The following SPRED2 variants were observed in gnomAD, a reference collection of about 807,000 sequenced individuals.
The protein encoded by SPRED2 is sprouty related EVH1 domain containing 2, also known as sprouty-related, EVH1 domain-containing protein 2.
In SPRED2, 47 loss-of-function variants were observed where a neutral mutation model predicts 43.0. The ratio of observed to expected loss-of-function variants is 1.09; its 90% CI spans 0.87 to 1.40. The LOEUF is 1.40. SPRED2 is among the 40% of genes most tolerant of loss of function. The probability of loss-of-function intolerance (pLI) is 0.00; values close to 1 mark genes in which losing one functional copy is unlikely to be tolerated. For synonymous variants in SPRED2, 225 were observed against 225.7 expected (o/e 1.00, Z 0.03); for missense variants, 561 against 586.4 (o/e 0.96, Z 0.45).
At chr2:65,342,958 G>A (rs1014300420) in intron 2 of SPRED2, among the ~76,000 whole-genome samples, 2 of 152,120 alleles carry the variant, frequency 1.3e-5, no homozygotes, top group African/African-American at 4.8e-5. Context: ...TTAAAAAAAA[G>A]TACAAAGTGG....
At chr2:65,411,887 G>C (rs558621665) in intron 1 of SPRED2, among the ~76,000 whole-genome samples, 34 of 152,098 alleles carry the variant, frequency 2.2e-4, no homozygotes, top group Non-Finnish European at 4.4e-4. Flanking sequence ...CCAGCACTTT[G>C]GGGGCCGAGG....
intron 1 of SPRED2, among the ~76,000 whole-genome samples, chr2:65,397,857 C>A (rs1675794113): frequency 2.6e-5 from 4 of 152,166 alleles, no homozygotes; most frequent in Admixed American, 2.6e-4. Flanking sequence ...CAAAATACCA[C>A]CATTATTCTT....
chr2:65,355,145 A>C (rs1015942566), intron 1 of SPRED2, among the ~76,000 whole-genome samples: 1 of 152,208 alleles, frequency 6.6e-6, no homozygotes, highest in Non-Finnish European at 1.5e-5. Flanking sequence ...TAATTTTCTC[A>C]TCCTGGGGGA....
chr2:65,401,932 C>CGT lies in SPRED2; in HGVS notation c.26+30029_26+30030insAC, dbSNP rs776711133. On this transcript the variant is annotated intron_variant, in intron 1 of 5. Coordinates refer to ENST00000356388, the MANE Select transcript of SPRED2 (RefSeq NM_181784.3). The stretch of plus-strand genomic sequence containing the variant: ...GTAAAACGATCAGAATATTAGCGCG[C>CGT]GCGCGCACACACACACACACACACA... Among the ~76,000 whole-genome samples the CGT allele has an allele frequency of 1.7e-3, 199 of 117,954 alleles. 1 individual carries two copies. The highest frequency in any genetic ancestry group is 2.6e-3 in the South Asian group (9 of 3,472). The allele number at this position is 117,954 out of a possible 152,430, so 77.4% of individuals were successfully genotyped here.
intron 1 of SPRED2, chr2:65,366,712 G>T (rs1674990842): frequency 1.3e-6 from 2 of 1,522,898 alleles, no homozygotes; most frequent in Non-Finnish European, 1.8e-6. Context: ...CCAGCTGGCT[G>T]CCTGAGAAGT....
intron 1 of SPRED2, among the ~76,000 whole-genome samples, chr2:65,431,017 C>T (rs1377312439): frequency 6.6e-6 from 1 of 152,138 alleles, no homozygotes; most frequent in East Asian, 1.9e-4. Context: ...ACGCCTCAGA[C>T]CAGGGAGGGA....
At chr2:65,334,833 A>G in intron 2 of SPRED2, 60 bp from the exon 3 acceptor site, 2 of 1,574,810 alleles carry the variant, frequency 1.3e-6, no homozygotes, top group Non-Finnish European at 1.7e-6. Context: ...ATGTCTGGTT[A>G]CAGAAGTCTA....
intron 4 of SPRED2, among the ~76,000 whole-genome samples, chr2:65,327,672 G>A (rs1342447435): frequency 6.6e-6 from 1 of 151,288 alleles, no homozygotes; most frequent in Non-Finnish European, 1.5e-5. Flanking sequence ...AACGTGGAGG[G>A]CTGCCCTCCC....
chr2:65,384,696 T>G (rs976086348), intron 1 of SPRED2, among the ~76,000 whole-genome samples: 1 of 152,112 alleles, frequency 6.6e-6, no homozygotes, highest in Non-Finnish European at 1.5e-5. Context: ...CCAGTGAAAC[T>G]CATCCTTTCC....
At chr2:65,412,052 CA>C (rs1202642511) in intron 1 of SPRED2, among the ~76,000 whole-genome samples, 1 of 150,928 alleles carries the variant, frequency 6.6e-6, no homozygotes, top group Non-Finnish European at 1.5e-5. Flanking sequence ...GGCATGAACC[CA>C]GGAGGCAGAG....
Position 65,334,672 on chromosome 2 carries a change from G to C in SPRED2, c.306C>G (p.Phe102Leu). Residue 102 changes from phenylalanine to leucine, a missense_variant, in exon 3 of 6, where the codon TTC becomes TTG. Transcript: ENST00000356388. ...AGGCTCGGGCATCAGCAGGGCTTTG[G>C]AAAGTAAGTCCAAACTTCCTATTAT... The part of the protein sequence containing the change: ...KVDNRKFGLT[F>L]QSPADARAFD... The C allele has an allele frequency of 6.2e-7, 1 of 1,614,216 alleles. No homozygotes were observed. The highest frequency in any genetic ancestry group is 8.5e-7 in the Non-Finnish European group (1 of 1,180,042).
intron 1 of SPRED2, among the ~76,000 whole-genome samples, chr2:65,428,083 T>C (rs908660815): frequency 6.0e-4 from 91 of 152,344 alleles, no homozygotes; most frequent in Non-Finnish European, 1.2e-4. Flanking sequence ...ATCAGTTAAA[T>C]GGGGGTAATA....
At chr2:65,370,687 C>G (rs1675101998) in intron 1 of SPRED2, among the ~76,000 whole-genome samples, 1 of 152,208 alleles carries the variant, frequency 6.6e-6, no homozygotes, top group African/African-American at 2.4e-5. Context: ...GTAGTTCACA[C>G]TTTCCTTATA....
At chr2:65,310,712 G>T, downstream of SPRED2, 1 of 223,162 alleles carries the variant, frequency 4.5e-6, no homozygotes, top group African/African-American at 2.3e-5. Context: ...GGAGGAAAGG[G>T]CCTTGAAAAA....
At position 65,310,933 on chromosome 2, in the gene SPRED2, A is replaced by AAGT; in HGVS notation, c.*2565_*2567dup. On this transcript the variant is annotated 3_prime_UTR_variant, in exon 6 of 6. Coordinates refer to ENST00000356388, the MANE Select transcript of SPRED2 (RefSeq NM_181784.3). ...CATACATATTAGAAACCATAAAAAA[A>AAGT]AGTTAAGAACTAAAATGTACATCAT... 1.0e-6 allele frequency: 1 copy of AAGT among 984,772 alleles called. No individual in the cohort carries two copies. The highest frequency in any genetic ancestry group is 1.2e-6 in the Non-Finnish European group (1 of 828,924). The allele number at this position is 984,772 out of a possible 1,614,324, so 61.0% of individuals were successfully genotyped here.
intron 1 of SPRED2, among the ~76,000 whole-genome samples, chr2:65,421,110 A>T (rs908435433): frequency 2.8e-4 from 42 of 152,142 alleles, no homozygotes; most frequent in African/African-American, 1.0e-3. Context: ...TAAGTGATGG[A>T]TCTCATGGGC....
chr2:65,420,247 A>C (rs1214513694), intron 1 of SPRED2, among the ~76,000 whole-genome samples: 3 of 151,650 alleles, frequency 2.0e-5, no homozygotes, highest in African/African-American at 7.3e-5. Flanking sequence ...AAAATATGAC[A>C]ACCTAATGAA....
chr2:65,431,583 T>C (rs963501538), intron 1 of SPRED2, among the ~76,000 whole-genome samples: 13 of 152,160 alleles, frequency 8.5e-5, no homozygotes, highest in African/African-American at 2.9e-4. Flanking sequence ...AAAGTCACTG[T>C]GCAAAAACCC....
intron 1 of SPRED2, among the ~76,000 whole-genome samples, chr2:65,372,884 C>G (rs529520516): frequency 1.1e-4 from 17 of 152,308 alleles, no homozygotes; most frequent in African/African-American, 3.8e-4. Flanking sequence ...AGAATTAGAC[C>G]TGAAGCTGCT....
Sources: allele counts gnomAD v4.1 joint callset (sites outside exome capture counted in the v4.1 genomes callset), GRCh38; gene constraint gnomAD v4.1.1; transcripts MANE v1.5; gene names NCBI Gene and HGNC (gene_info 2026-07-23, HGNC 2026-07-21).